SORCS1: variants seen among roughly 807,000 people sequenced by gnomAD.
SORCS1 encodes sortilin related VPS10 domain containing receptor 1.
Under a neutral mutation model 146.1 loss-of-function variants are expected in SORCS1, and 60 were observed. The ratio of observed to expected loss-of-function variants is 0.41; its 90% CI spans 0.33 to 0.51. SORCS1 has a LOEUF of 0.51. Ranked by LOEUF, SORCS1 falls within the 20% of genes least tolerant of loss-of-function variation. The pLI, the probability that SORCS1 is intolerant of heterozygous loss-of-function variation, is 0.21. For missense variants in SORCS1, 1,352 were observed against 1,487.6 expected (o/e 0.91, Z 1.50); for synonymous variants, 637 against 584.0 (o/e 1.09, Z -1.31).
At chr10:107,127,579 G>T (rs1966786112) in intron 1 of SORCS1, among the ~76,000 whole-genome samples, 1 of 152,164 alleles carries the variant, frequency 6.6e-6, no homozygotes, top group South Asian at 2.1e-4. Context: ...GATAGCAGAG[G>T]AACTTAAACA....
intron 1 of SORCS1, among the ~76,000 whole-genome samples, chr10:107,128,144 C>A (rs1354364945): frequency 1.3e-5 from 2 of 152,178 alleles, no homozygotes; most frequent in Non-Finnish European, 2.9e-5. Flanking sequence ...AGGCAGGAAA[C>A]AAATTCCATA....
chr10:107,168,136 A>C (rs1180751533), upstream of SORCS1, among the ~76,000 whole-genome samples: 5 of 152,180 alleles, frequency 3.3e-5, no homozygotes, highest in African/African-American at 1.2e-4. Flanking sequence ...ATTAGGGGCT[A>C]TCCTTTTCGC....
intron 3 of SORCS1, among the ~76,000 whole-genome samples, chr10:106,806,480 C>T: frequency 6.7e-6 from 1 of 148,776 alleles, no homozygotes; most frequent in Non-Finnish European, 1.5e-5. Flanking sequence ...TGAGAGACTA[C>T]AGCCCTTCTG....
intron 2 of SORCS1, among the ~76,000 whole-genome samples, chr10:106,843,243 T>C (rs1269746023): frequency 6.6e-6 from 1 of 152,146 alleles, no homozygotes; most frequent in African/African-American, 2.4e-5. Context: ...GACTCATATT[T>C]CCACTTTCTC....
chr10:106,844,236 G>A (rs1299385871), intron 2 of SORCS1, among the ~76,000 whole-genome samples: 1 of 151,878 alleles, frequency 6.6e-6, no homozygotes, highest in Non-Finnish European at 1.5e-5. Context: ...CAGGTTTTTT[G>A]TTTAATTTTG....
intron 2 of SORCS1, among the ~76,000 whole-genome samples, chr10:106,913,783 C>G (rs1346153315): frequency 6.6e-6 from 1 of 152,202 alleles, no homozygotes; most frequent in African/African-American, 2.4e-5. Flanking sequence ...CCAGAGCAGG[C>G]CACTCAAATC....
intron 1 of SORCS1, among the ~76,000 whole-genome samples, chr10:107,101,348 T>C (rs990990395): frequency 7.2e-5 from 11 of 152,202 alleles, no homozygotes; most frequent in Non-Finnish European, 1.6e-4. Context: ...GCCCGGTCTA[T>C]TTTTTCATGT....
chr10:106,998,609 G>A (rs539632273), intron 1 of SORCS1, among the ~76,000 whole-genome samples: 6 of 152,180 alleles, frequency 3.9e-5, no homozygotes, highest in South Asian at 2.1e-4. Context: ...CAGTTAATGC[G>A]AAACCACTAT....
At chr10:106,807,450 C>T (rs1035887617) in intron 3 of SORCS1, among the ~76,000 whole-genome samples, 1 of 152,176 alleles carries the variant, frequency 6.6e-6, no homozygotes, top group Non-Finnish European at 1.5e-5. Context: ...TCCCTATTGC[C>T]TGCCCCTGCT....
intron 1 of SORCS1, among the ~76,000 whole-genome samples, chr10:107,097,983 C>T (rs563145711): frequency 7.2e-5 from 11 of 152,228 alleles, no homozygotes; most frequent in African/African-American, 2.2e-4. Context: ...GTAGGGTGAT[C>T]GATGAATATC....
At chr10:106,750,579 A>C (rs1858084938) in intron 5 of SORCS1, among the ~76,000 whole-genome samples, 1 of 149,502 alleles carries the variant, frequency 6.7e-6, no homozygotes, top group African/African-American at 2.5e-5. Context: ...AATACAAAAA[A>C]TTAGCCAGGC....
At chr10:106,925,865 AG>A (rs750583507) in intron 2 of SORCS1, among the ~76,000 whole-genome samples, 2 of 152,200 alleles carry the variant, frequency 1.3e-5, no homozygotes, top group African/African-American at 2.4e-5. Context: ...AGACTTGGTA[AG>A]GGGCTGCAAT....
Position 107,042,833 on chromosome 10 carries a change from C to T in SORCS1, c.559-86253G>A, listed in dbSNP as rs1286393505. On this transcript the variant is annotated intron_variant, in intron 1 of 25. Coordinates refer to ENST00000263054, the MANE Select transcript of SORCS1 (RefSeq NM_052918.5). ...CCATGTTGGCCAGACTGGTCTGGAA[C>T]CCCTGACCTTAAATGATCCACCTGC... 3.9e-5 allele frequency among the ~76,000 whole-genome samples: 6 copies of T among 152,072 alleles called. No individual in the cohort carries two copies. In the East Asian group the frequency reaches 7.7e-4, roughly 20 times the overall value.
intron 5 of SORCS1, among the ~76,000 whole-genome samples, chr10:106,760,442 CAAAAAAAAAA>C (rs34324078): frequency 2.2e-5 from 1 of 45,804 alleles, no homozygotes. Context: ...GACTCCGTCT[CAAAAAAAAAA>C]AAAAAAAAAA....
At chr10:106,845,064 C>A (rs1949261056) in intron 2 of SORCS1, among the ~76,000 whole-genome samples, 1 of 117,456 alleles carries the variant, frequency 8.5e-6, no homozygotes, top group East Asian at 2.9e-4. Flanking sequence ...GTCTTTATAG[C>A]AGCATGATTT....
intron 3 of SORCS1, among the ~76,000 whole-genome samples, chr10:106,800,574 T>C (rs1157283332): frequency 6.9e-6 from 1 of 144,412 alleles, no homozygotes; most frequent in South Asian, 2.2e-4. Context: ...TAGGCTGGAG[T>C]GTAGTGGCGC....
At chr10:106,832,291 C>G (rs1045793515) in intron 2 of SORCS1, among the ~76,000 whole-genome samples, 2 of 149,980 alleles carry the variant, frequency 1.3e-5, no homozygotes, top group Non-Finnish European at 3.0e-5. Context: ...TGGGTTCGAT[C>G]GATTCTCCTG....
intron 3 of SORCS1, among the ~76,000 whole-genome samples, chr10:106,828,133 G>T (rs972447509): frequency 6.6e-6 from 1 of 152,014 alleles, no homozygotes; most frequent in Non-Finnish European, 1.5e-5. Context: ...CTTTTAAACC[G>T]AATCCCACTG....
intron 1 of SORCS1, among the ~76,000 whole-genome samples, chr10:107,108,111 C>A (rs1965427021): frequency 6.6e-6 from 1 of 152,110 alleles, no homozygotes; most frequent in Admixed American, 6.5e-5. Context: ...CCCCTCTGAG[C>A]TGTTGGTTGT....
Sources: gnomAD v4.1 joint callset for allele counts (sites outside exome capture counted in the v4.1 genomes callset) on GRCh38, gnomAD v4.1.1 for gene constraint, MANE v1.5 for transcripts, NCBI Gene and HGNC (gene_info 2026-07-23, HGNC 2026-07-21) for gene names.